TMEM40: variants seen among roughly 807,000 people sequenced by gnomAD.
TMEM40 encodes the protein transmembrane protein 40.
A neutral mutation model predicts 40.8 loss-of-function variants in TMEM40; 34 were observed. The ratio of observed to expected loss-of-function variants is 0.83; its 90% CI spans 0.63 to 1.11. The LOEUF (loss-of-function observed/expected upper bound fraction) is 1.11, where lower values mean the gene tolerates loss of function less well. Ranked by LOEUF, TMEM40 falls within the 50% of genes least tolerant of loss-of-function variation. The pLI is 0.00. For missense variants in TMEM40, 296 were observed against 280.2 expected, an observed-to-expected ratio of 1.06 and a Z score of -0.40; for synonymous variants, 106 against 107.0, an observed-to-expected ratio of 0.99 and a Z score of 0.06.
intron 1 of TMEM40, among the ~76,000 whole-genome samples, chr3:12,764,794 CTAAAGTTAAATT>C (rs754187667): frequency 2.6e-5 from 4 of 152,088 alleles, no homozygotes; most frequent in South Asian, 4.2e-4. Flanking sequence ...AAGGCAAGGA[CTAAAGTTAAATT>C]TAAAGTTAAA....
chr3:12,764,986 C>G (rs1288835721), intron 1 of TMEM40, among the ~76,000 whole-genome samples: 3 of 152,050 alleles, frequency 2.0e-5, no homozygotes, highest in Non-Finnish European at 4.4e-5. Flanking sequence ...ATTCTCCTGC[C>G]TCAGCCTCCC....
intron 1 of TMEM40, 97 bp downstream of exon 1, chr3:12,759,094 C>CCA (rs2061551032): frequency 6.6e-6 from 1 of 152,184 alleles, no homozygotes; most frequent in African/African-American, 2.4e-5. Context: ...CACCAAGGAA[C>CCA]CACACAATAT....
rs2061317963 is a variant in TMEM40, at chr3:12,733,858, A to G, written c.*916T>C. 3 of 152,086 alleles carry G rather than the reference A, an allele frequency of 2.0e-5. No homozygotes were observed. The highest frequency in any genetic ancestry group is 2.0e-4 in the Admixed American group (3 of 15,256). The allele number at this position is 152,086 out of a possible 1,614,324, so 9.4% of individuals were successfully genotyped here. A position where few individuals can be genotyped will look rare whatever the true frequency, so the allele number is the denominator to read the frequency against. On this transcript the variant is annotated 3_prime_UTR_variant, in exon 12 of 12. Coordinates refer to ENST00000314124, the MANE Select transcript of TMEM40 (RefSeq NM_018306.4). ...TGATTTAGCCATTCCACATATTTCA[A>G]AACATGTTGTACACTACAAATACAT...
At chr3:12,766,982 T>G (rs2061597188) in intron 1 of TMEM40, among the ~76,000 whole-genome samples, 9 of 152,140 alleles carry the variant, frequency 5.9e-5, no homozygotes, top group Admixed American at 5.9e-4. Context: ...TAGTTGAGCT[T>G]GCTGAAGCCA....
chr3:12,738,249 G>A (rs186957462), intron 6 of TMEM40, 81 bp from the exon 7 acceptor site: 648 of 1,509,100 alleles, frequency 4.3e-4, no homozygotes, highest in Non-Finnish European at 5.5e-4. Flanking sequence ...GAAGGCTATA[G>A]GTGACCTAAA....
chr3:12,757,328 G>C (rs1338544566), intron 1 of TMEM40, among the ~76,000 whole-genome samples: 2 of 152,080 alleles, frequency 1.3e-5, no homozygotes, highest in African/African-American at 4.8e-5. Context: ...AATTAGCTGG[G>C]CATGGTGGCA....
At chr3:12,735,267 C>A (rs1285722927) in intron 11 of TMEM40, among the ~76,000 whole-genome samples, 2 of 152,232 alleles carry the variant, frequency 1.3e-5, no homozygotes, top group African/African-American at 4.8e-5. Context: ...TGAAGACTAA[C>A]CAGACCATTT....
chr3:12,766,971 C>G (rs1044740353), intron 1 of TMEM40, among the ~76,000 whole-genome samples: 4 of 152,202 alleles, frequency 2.6e-5, no homozygotes, highest in Admixed American at 6.5e-5. Flanking sequence ...AGCCACAGCT[C>G]TAGTTGAGCT....
intron 1 of TMEM40, among the ~76,000 whole-genome samples, chr3:12,755,209 T>TCTCTC (rs1553634004): frequency 2.3e-4 from 18 of 78,130 alleles, no homozygotes; most frequent in African/African-American, 1.1e-3. Flanking sequence ...CTTTCTTTCT[T>TCTCTC]TCTTTCTCTC....
In TMEM40 at chr3:12,748,609, A is replaced by C. The variant is rs200686942; in HGVS notation, c.211+46T>G. 4.7e-4 allele frequency: 743 copies of C among 1,576,664 alleles called. 11 individuals are homozygous for C. The highest frequency in any genetic ancestry group is 8.3e-4 in the Admixed American group (48 of 57,744). ...GTATGGGGGATTATTTCCCCATGTA[A>C]ATCTTTTTCTTGAATAATATACATA... On this transcript the variant is annotated intron_variant, in intron 3 of 11. Transcript: ENST00000314124.
chr3:12,747,094 G>A (rs951661667), intron 3 of TMEM40, among the ~76,000 whole-genome samples: 1 of 151,920 alleles, frequency 6.6e-6, no homozygotes, highest in Non-Finnish European at 1.5e-5. Context: ...GGGACCCACC[G>A]ACCACTCTCC....
chr3:12,744,540 A>T (rs1461703017), intron 3 of TMEM40, among the ~76,000 whole-genome samples: 1 of 152,210 alleles, frequency 6.6e-6, no homozygotes, highest in Admixed American at 6.5e-5. Context: ...CTCAGTGGAC[A>T]TGAGGGCCAG....
chr3:12,766,335 C>T (rs2061594652), intron 1 of TMEM40, among the ~76,000 whole-genome samples: 1 of 152,078 alleles, frequency 6.6e-6, no homozygotes, highest in South Asian at 2.1e-4. Context: ...GTGGCTCACA[C>T]CTGTAATCCC....
In TMEM40 at chr3:12,748,632, A is replaced by G. The variant is rs766660178; in HGVS notation, c.211+23T>C. 3.1e-6 allele frequency: 5 copies of G among 1,601,366 alleles called. No individual in the cohort carries two copies. In the African/African-American group the frequency reaches 4.0e-5, roughly 13 times the overall value. ...TAAATCTTTTTCTTGAATAATATACATATATTTAAATCTCTGCTATACCTG... is the reference window on the plus strand; with the variant it reads ...TAAATCTTTTTCTTGAATAATATACGTATATTTAAATCTCTGCTATACCTG... On this transcript the variant is annotated intron_variant, in intron 3 of 11. Transcript: ENST00000314124.
chr3:12,735,346 C>G (rs1559522615), intron 11 of TMEM40, among the ~76,000 whole-genome samples: 1 of 152,198 alleles, frequency 6.6e-6, no homozygotes, highest in African/African-American at 2.4e-5. Flanking sequence ...ACTTGTGCAG[C>G]AGAAAAGTAT....
rs750091032 is a variant in TMEM40 at position 12,736,558 on chromosome 3, A to C, written c.619+20T>G. 3 of 1,551,626 alleles carry C rather than the reference A, an allele frequency of 1.9e-6. No homozygotes were observed. Among genetic ancestry groups the C allele is most frequent in the Non-Finnish European group, 2.6e-6 (3 of 1,146,794 alleles). ...CCTCCAAGAGACTGTGTGTGTGTCC[A>C]TGCTGGGGGAGGGGCTTACCTAGTC... On this transcript the variant is annotated intron_variant, in intron 10 of 11. Transcript: ENST00000314124.
chr3:12,747,097 C>T (rs1471726920), intron 3 of TMEM40, among the ~76,000 whole-genome samples: 1 of 152,094 alleles, frequency 6.6e-6, no homozygotes, highest in African/African-American at 2.4e-5. Flanking sequence ...ACCCACCGAC[C>T]ACTCTCCCTC....
chr3:12,763,610 C>T (rs533934082), upstream of TMEM40, among the ~76,000 whole-genome samples: 116 of 152,314 alleles, frequency 7.6e-4, no homozygotes, highest in African/African-American at 2.5e-3. Flanking sequence ...ACTCAGCAGG[C>T]ATGGGTGTTC....
upstream of TMEM40, among the ~76,000 whole-genome samples, chr3:12,764,107 T>G (rs541557600): frequency 3.3e-5 from 5 of 151,604 alleles, no homozygotes; most frequent in African/African-American, 7.3e-5. Flanking sequence ...GAGACGGGGG[T>G]CTCACCATGT....
Sources: allele counts gnomAD v4.1 joint callset (sites outside exome capture counted in the v4.1 genomes callset), GRCh38; gene constraint gnomAD v4.1.1; transcripts MANE v1.5; gene names NCBI Gene and HGNC (gene_info 2026-07-23, HGNC 2026-07-21).